The following PDSS2 variants were observed in gnomAD, a reference collection of about 807,000 sequenced individuals.
PDSS2 encodes the protein all trans-polyprenyl-diphosphate synthase PDSS2.
Under a neutral mutation model 44.5 loss-of-function variants are expected in PDSS2, and 31 were observed. The ratio of observed to expected loss-of-function variants is 0.70; its 90% CI spans 0.52 to 0.94. PDSS2 has a LOEUF of 0.94. Among genes scored for constraint, PDSS2 ranks in the 40% least tolerant of loss-of-function variants. The pLI is 0.00. For missense variants in PDSS2, 452 were observed against 482.2 expected (o/e 0.94, Z 0.59); for synonymous variants, 157 against 180.3 (o/e 0.87, Z 1.03).
chr6:107,373,113 A>G (rs973442064), intron 1 of PDSS2, among the ~76,000 whole-genome samples: 1 of 150,986 alleles, frequency 6.6e-6, no homozygotes, highest in Admixed American at 6.6e-5. Context: ...CCTCCCAAGT[A>G]GCTGGGACTA....
intron 3 of PDSS2, among the ~76,000 whole-genome samples, chr6:107,258,242 A>G (rs1207877684): frequency 2.0e-5 from 3 of 152,184 alleles, no homozygotes; most frequent in Non-Finnish European, 2.9e-5. Flanking sequence ...CTGATTTTAT[A>G]TAAGATATTG....
chr6:107,366,684 G>A (rs777683503), intron 1 of PDSS2, among the ~76,000 whole-genome samples: 38 of 151,874 alleles, frequency 2.5e-4, no homozygotes, highest in Non-Finnish European at 4.9e-4. Flanking sequence ...GACTATGAGG[G>A]AATATAATGA....
intron 6 of PDSS2, among the ~76,000 whole-genome samples, chr6:107,199,973 C>T (rs1772712647): frequency 6.6e-6 from 1 of 152,060 alleles, no homozygotes; most frequent in African/African-American, 2.4e-5. Flanking sequence ...CCTAAGCTTC[C>T]ATCTGTAGAA....
chr6:107,380,373 CT>C lies in PDSS2; in HGVS notation c.297-46042del, dbSNP rs1203402664. On this transcript the variant is annotated intron_variant, in intron 1 of 7. Transcript: ENST00000369037. ...CTGACCTTCAGAAGAGTTTCTCAGTCTTTTTCCCCCTCCCTTTATGTTAGAC... is the reference window on the plus strand; with the variant it reads ...CTGACCTTCAGAAGAGTTTCTCAGTCTTTTCCCCCTCCCTTTATGTTAGAC... Among the ~76,000 whole-genome samples the C allele has an allele frequency of 7.9e-5, 12 of 152,242 alleles. No individual in the cohort carries two copies. In the East Asian group the frequency reaches 2.1e-3, roughly 27 times the overall value.
intron 4 of PDSS2, among the ~76,000 whole-genome samples, chr6:107,236,467 CAAAA>C (rs373182358): frequency 1.0e-5 from 1 of 98,608 alleles, no homozygotes; most frequent in South Asian, 3.1e-4. Flanking sequence ...GACTCTGTCT[CAAAA>C]AAAAAAAAAA....
At chr6:107,355,002 G>A (rs1166104960) in intron 1 of PDSS2, among the ~76,000 whole-genome samples, 7 of 151,472 alleles carry the variant, frequency 4.6e-5, no homozygotes, top group South Asian at 2.1e-4. Context: ...GCATGATTTC[G>A]GCTCACTGCA....
intron 1 of PDSS2, among the ~76,000 whole-genome samples, chr6:107,410,130 T>C (rs916080361): frequency 2.0e-5 from 3 of 152,086 alleles, no homozygotes; most frequent in African/African-American, 7.2e-5. Context: ...CCATTTACAT[T>C]AGAAGTCTCC....
At chr6:107,225,137 T>TATATATATATATA in intron 4 of PDSS2, among the ~76,000 whole-genome samples, 1 of 62,392 alleles carries the variant, frequency 1.6e-5, no homozygotes, top group African/African-American at 9.6e-5. Context: ...ATATATATTT[T>TATATATATATATA]TATATATATA....
At chr6:107,412,043 G>A (rs551536590) in intron 1 of PDSS2, among the ~76,000 whole-genome samples, 3 of 150,828 alleles carry the variant, frequency 2.0e-5, no homozygotes, top group South Asian at 2.1e-4. Flanking sequence ...ACACCACCAC[G>A]CCCGGCTAAT....
intron 1 of PDSS2, among the ~76,000 whole-genome samples, chr6:107,451,255 A>AT (rs1562550295): frequency 6.6e-6 from 1 of 152,182 alleles, no homozygotes; most frequent in Admixed American, 6.5e-5. Context: ...TACATATTAT[A>AT]TTTTTTATTT....
rs181017942 is a variant in PDSS2 at position 107,237,693 on chromosome 6, G to A, written c.702+7855C>T. On this transcript the variant is annotated intron_variant, in intron 4 of 7. Transcript: ENST00000369037. ...AGGCGGGCAGGTCACCTGAGGTCAG[G>A]AGTTTGAGACCAGCCTGGCCAACAT... 4.8e-4 allele frequency among the ~76,000 whole-genome samples: 73 copies of A among 151,764 alleles called. No individual in the cohort carries two copies. In the East Asian group the frequency reaches 0.013, roughly 26 times the overall value.
chr6:107,244,198 G>A (rs1199848065), intron 4 of PDSS2, among the ~76,000 whole-genome samples: 1 of 152,164 alleles, frequency 6.6e-6, no homozygotes, highest in Non-Finnish European at 1.5e-5. Context: ...GAGCTAACAA[G>A]TTGTGTGACC....
chr6:107,253,106 G>A (rs1292918614), intron 3 of PDSS2, among the ~76,000 whole-genome samples: 1 of 152,224 alleles, frequency 6.6e-6, no homozygotes, highest in African/African-American at 2.4e-5. Context: ...CTTGATCTTG[G>A]CACATTGCAA....
intron 1 of PDSS2, among the ~76,000 whole-genome samples, chr6:107,346,151 G>A (rs1456065305): frequency 6.6e-6 from 1 of 152,174 alleles, no homozygotes; most frequent in Non-Finnish European, 1.5e-5. Context: ...GAATAGAATG[G>A]CACCTAGTGA....
At chr6:107,351,928 CAT>C (rs1473250712) in intron 1 of PDSS2, among the ~76,000 whole-genome samples, 2 of 152,098 alleles carry the variant, frequency 1.3e-5, no homozygotes, top group African/African-American at 4.8e-5. Context: ...AAAATATTCT[CAT>C]ATTTTTGTGA....
chr6:107,431,304 G>A (rs1280040424), intron 1 of PDSS2, among the ~76,000 whole-genome samples: 1 of 152,118 alleles, frequency 6.6e-6, no homozygotes, highest in Non-Finnish European at 1.5e-5. Context: ...CTAGGCTGGA[G>A]TGCAGTAGCG....
chr6:107,293,504 G>C (rs921339373), intron 2 of PDSS2, among the ~76,000 whole-genome samples: 1 of 152,220 alleles, frequency 6.6e-6, no homozygotes, highest in South Asian at 2.1e-4. Context: ...TTTCTGCCGC[G>C]GTACGGGAGT....
At chr6:107,440,747 A>G (rs1781490006) in intron 1 of PDSS2, among the ~76,000 whole-genome samples, 2 of 152,204 alleles carry the variant, frequency 1.3e-5, no homozygotes, top group Admixed American at 1.3e-4. Context: ...ATCCGCTACA[A>G]AGAGAGTATC....
At chr6:107,360,249 A>T (rs1778727662) in intron 1 of PDSS2, among the ~76,000 whole-genome samples, 1 of 152,218 alleles carries the variant, frequency 6.6e-6, no homozygotes, top group Non-Finnish European at 1.5e-5. Flanking sequence ...ATGAAGAGGA[A>T]GAGCTGACCT....
Sources: allele counts gnomAD v4.1 joint callset (sites outside exome capture counted in the v4.1 genomes callset), GRCh38; gene constraint gnomAD v4.1.1; transcripts MANE v1.5; gene names NCBI Gene and HGNC (gene_info 2026-07-23, HGNC 2026-07-21).